CHN2: variants seen among roughly 807,000 people sequenced by gnomAD.
CHN2 encodes chimerin 2.
CHN2 carries 35 observed loss-of-function variants against 56.3 expected under a neutral mutation model. That is an observed-to-expected ratio of 0.62 (90% CI 0.47 to 0.82). The LOEUF (loss-of-function observed/expected upper bound fraction) is 0.82. Ranked by LOEUF, CHN2 falls within the 40% of genes least tolerant of loss-of-function variation. The pLI is 0.00. For synonymous variants in CHN2, 210 were observed against 212.8 expected (o/e 0.99, Z 0.12); for missense variants, 491 against 580.5 (o/e 0.85, Z 1.58).
At chr7:29,217,051 T>C (rs560997596) in intron 1 of CHN2, among the ~76,000 whole-genome samples, 2 of 152,328 alleles carry the variant, frequency 1.3e-5, no homozygotes, top group East Asian at 3.9e-4. Flanking sequence ...TTTGAACATC[T>C]AAATATATGC....
intron 1 of CHN2, among the ~76,000 whole-genome samples, chr7:29,351,399 T>C (rs1797877101): frequency 6.6e-6 from 1 of 152,180 alleles, no homozygotes; most frequent in African/African-American, 2.4e-5. Context: ...TGAAGCAAAA[T>C]TCTTGCTTTT....
At chr7:29,416,009 A>T (rs1803701759) in intron 6 of CHN2, among the ~76,000 whole-genome samples, 2 of 152,186 alleles carry the variant, frequency 1.3e-5, no homozygotes, top group Non-Finnish European at 2.9e-5. Flanking sequence ...AGTGGGAGGA[A>T]GCAGGAAACC....
chr7:29,374,412 A>C (rs148097081), intron 3 of CHN2, among the ~76,000 whole-genome samples: 1,541 of 152,188 alleles, frequency 0.01, 24 homozygotes, highest in African/African-American at 0.035. Context: ...AAAACAAAAA[A>C]CTTTCTTTTT....
intron 1 of CHN2, among the ~76,000 whole-genome samples, chr7:29,205,760 A>C (rs1784474336): frequency 6.6e-6 from 1 of 152,222 alleles, no homozygotes; most frequent in South Asian, 2.1e-4. Context: ...TAGCTCAGTC[A>C]ATCCAAGGAA....
At chr7:29,322,152 T>C (rs1173111269) in intron 1 of CHN2, among the ~76,000 whole-genome samples, 2 of 152,214 alleles carry the variant, frequency 1.3e-5, no homozygotes, top group African/African-American at 4.8e-5. Context: ...TGGCTTTGCT[T>C]GTCAGTCACC....
chr7:29,217,608 T>A (rs1168217716), intron 1 of CHN2, among the ~76,000 whole-genome samples: 2 of 152,214 alleles, frequency 1.3e-5, no homozygotes, highest in Non-Finnish European at 2.9e-5. Context: ...TTTATATGAA[T>A]ACAAATATTT....
intron 1 of CHN2, among the ~76,000 whole-genome samples, chr7:29,280,243 G>A (rs1385863021): frequency 6.6e-6 from 1 of 152,072 alleles, no homozygotes; most frequent in Admixed American, 6.5e-5. Flanking sequence ...AATTAGCCGG[G>A]CGTGGTGGTG....
upstream of CHN2, chr7:29,194,741 A>G: frequency 2.2e-6 from 1 of 448,802 alleles, no homozygotes; most frequent in South Asian, 5.9e-5. Context: ...GACGGAAACC[A>G]CAAATAAATA....
intron 2 of CHN2, among the ~76,000 whole-genome samples, chr7:29,358,217 A>G (rs1562544142): frequency 1.3e-5 from 2 of 152,118 alleles, no homozygotes; most frequent in Non-Finnish European, 2.9e-5. Flanking sequence ...ACTAGCCCCA[A>G]TTATGGCATT....
chr7:29,319,406 C>A (rs1193319872), intron 1 of CHN2, among the ~76,000 whole-genome samples: 1 of 151,720 alleles, frequency 6.6e-6, no homozygotes, highest in Non-Finnish European at 1.5e-5. Context: ...CAGCTCAGCA[C>A]CTTCATTATT....
At chr7:29,186,281 G>T (rs960606443) in intron 2 of CHN2, among the ~76,000 whole-genome samples, 1 of 152,100 alleles carries the variant, frequency 6.6e-6, no homozygotes, top group Non-Finnish European at 1.5e-5. Flanking sequence ...ATCATCATAG[G>T]TTCAAATTGA....
intron 7 of CHN2, among the ~76,000 whole-genome samples, chr7:29,490,046 G>A (rs1488694860): frequency 1.3e-5 from 2 of 151,682 alleles, no homozygotes; most frequent in Non-Finnish European, 2.9e-5. Context: ...CCAAGATATA[G>A]GGATATTTAA....
intron 6 of CHN2, among the ~76,000 whole-genome samples, chr7:29,451,098 A>G (rs529507061): frequency 1.1e-4 from 16 of 152,280 alleles, no homozygotes; most frequent in Admixed American, 4.6e-4. Context: ...AATAAATAAG[A>G]AAGAGAGAGA....
intron 1 of CHN2, among the ~76,000 whole-genome samples, chr7:29,266,492 C>G (rs914364345): frequency 1.3e-5 from 2 of 152,114 alleles, no homozygotes; most frequent in Non-Finnish European, 2.9e-5. Flanking sequence ...TCTAATGTGT[C>G]GCAAGATGGT....
At chr7:29,473,585 A>G (rs1786341420) in intron 6 of CHN2, among the ~76,000 whole-genome samples, 1 of 150,610 alleles carries the variant, frequency 6.6e-6, no homozygotes, top group Non-Finnish European at 1.5e-5. Context: ...TGGCCCCGAG[A>G]CGAGCAACAT....
In CHN2 at chr7:29,451,422, G is replaced by A. The variant is rs913645208; in HGVS notation, c.577-28857G>A. Among the ~76,000 whole-genome samples, 111 of 152,228 alleles carry A rather than the reference G, an allele frequency of 7.3e-4. 1 individual carries two copies. The highest frequency in any genetic ancestry group is 3.9e-4 in the East Asian group (2 of 5,172). ...GAGCCATTTGTTACCAGTCCATGGC[G>A]AAATGGGTACAGAAGTACAGAGGTC... is the stretch of plus-strand genomic sequence containing the variant. On this transcript the variant is annotated intron_variant, in intron 6 of 12. Transcript: ENST00000222792.
chr7:29,227,262 C>T (rs1189026732), intron 1 of CHN2, among the ~76,000 whole-genome samples: 2 of 152,152 alleles, frequency 1.3e-5, no homozygotes, highest in African/African-American at 4.8e-5. Context: ...ATTAAACTAT[C>T]CAGATTCCAT....
chr7:29,153,820 T>C (rs1380002990), intron 2 of CHN2, among the ~76,000 whole-genome samples: 1 of 152,200 alleles, frequency 6.6e-6, no homozygotes, highest in African/African-American at 2.4e-5. Context: ...TCTACCTGCC[T>C]CGGCCTCTCT....
In CHN2 at chr7:29,400,672, T is replaced by C. The variant is rs1482986484; in HGVS notation, c.420T>C (p.Ala140=). The C allele has an allele frequency of 5.0e-6, 8 of 1,614,038 alleles. No homozygotes were observed. The highest frequency in any genetic ancestry group is 4.2e-6 in the Non-Finnish European group (5 of 1,180,042). The stretch of plus-strand genomic sequence containing the variant: ...TAACACTGTACATAGAAACAAAAGC[T>C]GCCGAGTACATTTCAAAAATGACAA... ...GLITLYIETK[A]AEYISKMTTN... Residue 140 remains alanine (A), a synonymous_variant, in exon 6 of 13, where the codon GCT becomes GCC. Transcript: ENST00000222792.
Sources: allele counts gnomAD v4.1 joint callset (sites outside exome capture counted in the v4.1 genomes callset), GRCh38; gene constraint gnomAD v4.1.1; transcripts MANE v1.5; gene names NCBI Gene and HGNC (gene_info 2026-07-23, HGNC 2026-07-21).